KTN1: variants seen among roughly 807,000 people sequenced by gnomAD.
KTN1 encodes kinectin.
KTN1 carries 130 observed loss-of-function variants against 222.5 expected under a neutral mutation model. That is an observed-to-expected ratio of 0.58 (90% confidence interval 0.51 to 0.68). The LOEUF is 0.68. Among genes scored for constraint, KTN1 ranks in the 30% least tolerant of loss-of-function variants. KTN1 has a pLI of 0.00. For missense variants in KTN1, 1,508 were observed against 1,500.4 expected, an observed-to-expected ratio of 1.01 and a Z score of -0.08; for synonymous variants, 512 against 496.3, an observed-to-expected ratio of 1.03 and a Z score of -0.42.
intron 18 of KTN1, among the ~76,000 whole-genome samples, chr14:55,646,730 A>T (rs1021551438): frequency 5.3e-5 from 8 of 151,720 alleles, no homozygotes; most frequent in African/African-American, 1.9e-4. Context: ...TTTTCATAAG[A>T]TACTAATTCA....
chr14:55,639,827 AG>A, intron 13 of KTN1, 85 bp from the exon 14 acceptor site: 1 of 829,766 alleles, frequency 1.2e-6, no homozygotes, highest in Non-Finnish European at 2.0e-6. Flanking sequence ...TACTGAAGTA[AG>A]GATGATGCTT....
At chr14:55,614,564 CT>C (rs1443771078) in intron 2 of KTN1, among the ~76,000 whole-genome samples, 1 of 152,086 alleles carries the variant, frequency 6.6e-6, no homozygotes, top group Non-Finnish European at 1.5e-5. Flanking sequence ...ACCAAGAACA[CT>C]TTTTGCATTT....
At chr14:55,640,332 A>C (rs760982804) in intron 14 of KTN1, 42 bp from the exon 15 acceptor site, 9 of 1,265,370 alleles carry the variant, frequency 7.1e-6, no homozygotes, top group Non-Finnish European at 1.0e-5. Flanking sequence ...CTTTAAAATC[A>C]GTTGTATTAA....
In KTN1 at chr14:55,658,722, A is replaced by G. The variant is rs187168371; in HGVS notation, c.2961+108A>G. The G allele has an allele frequency of 8.9e-6, 6 of 675,968 alleles. No homozygotes were observed. The Admixed American group carries it at 1.1e-4, about 12-fold the overall frequency. 41.9% of individuals were successfully genotyped at this position (675,968 alleles called of 1,614,324 possible). ...TCTGCATTTTCATTGAGAATGAAGT[A>G]TGTTTTATTTATGTTTATCAAATTT... On this transcript the variant is annotated intron_variant, in intron 30 of 43. Transcript: ENST00000395314.
intron 1 of KTN1, among the ~76,000 whole-genome samples, chr14:55,588,814 T>C (rs1262969127): frequency 1.3e-5 from 2 of 152,234 alleles, no homozygotes; most frequent in African/African-American, 4.8e-5. Flanking sequence ...ATTATTTGTG[T>C]ATATTTTATG....
chr14:55,635,983 GATAA>G (rs1262508642), intron 9 of KTN1, among the ~76,000 whole-genome samples: 3 of 152,148 alleles, frequency 2.0e-5, no homozygotes, highest in Admixed American at 1.3e-4. Flanking sequence ...TGTGGATATG[GATAA>G]ATAAATGACA....
intron 25 of KTN1, 93 bp downstream of exon 25, chr14:55,652,020 G>C: frequency 1.2e-6 from 1 of 824,792 alleles, no homozygotes; most frequent in Non-Finnish European, 1.9e-6. Flanking sequence ...ATTTCAAGTG[G>C]TGTTTTAGAA....
At chr14:55,634,190 A>G (rs1190702613) in intron 8 of KTN1, among the ~76,000 whole-genome samples, 1 of 152,114 alleles carries the variant, frequency 6.6e-6, no homozygotes, top group Non-Finnish European at 1.5e-5. Flanking sequence ...ATACTTTGAG[A>G]AATAGTACCT....
chr14:55,641,044 C>G, intron 16 of KTN1, 74 bp downstream of exon 16: 1 of 1,477,760 alleles, frequency 6.8e-7, no homozygotes. Context: ...AATATTGCTG[C>G]TTATAACTGA....
At chr14:55,681,014 G>T (rs750623024) in intron 43 of KTN1, 6 of 250,042 alleles carry the variant, frequency 2.4e-5, no homozygotes, top group Non-Finnish European at 4.0e-5. Context: ...TGCTCAGATG[G>T]CTTATTTTAA....
intron 1 of KTN1, among the ~76,000 whole-genome samples, chr14:55,601,460 T>G (rs1391333625): frequency 6.6e-6 from 1 of 152,240 alleles, no homozygotes; most frequent in Non-Finnish European, 1.5e-5. Context: ...AAAAGATAAT[T>G]GTATAATTGC....
intron 1 of KTN1, among the ~76,000 whole-genome samples, chr14:55,584,267 A>G (rs142337571): frequency 5.9e-5 from 9 of 152,280 alleles, no homozygotes; most frequent in African/African-American, 9.6e-5. Flanking sequence ...TCTGGCTCCA[A>G]TGGTTTTCCT....
At chr14:55,666,661 T>C (rs947151709) in intron 33 of KTN1, among the ~76,000 whole-genome samples, 5 of 151,988 alleles carry the variant, frequency 3.3e-5, no homozygotes, top group Non-Finnish European at 1.5e-5. Context: ...TGAAGTAATA[T>C]GCCATCAGTT....
chr14:55,586,429 T>G (rs1418038485), intron 1 of KTN1, among the ~76,000 whole-genome samples: 1 of 152,178 alleles, frequency 6.6e-6, no homozygotes, highest in Non-Finnish European at 1.5e-5. Flanking sequence ...TATCATATCA[T>G]ATCATATTTA....
At chr14:55,582,038 C>A (rs1360879211) in intron 1 of KTN1, among the ~76,000 whole-genome samples, 1 of 151,982 alleles carries the variant, frequency 6.6e-6, no homozygotes, top group Non-Finnish European at 1.5e-5. Context: ...ATAACAATAC[C>A]TTATCAAGTG....
chr14:55,672,178 G>A (rs373850874), intron 37 of KTN1: 6 of 277,154 alleles, frequency 2.2e-5, no homozygotes, highest in East Asian at 7.6e-5. Flanking sequence ...CAGTTTTAAA[G>A]TATTTAACCC....
intron 6 of KTN1, 128 bp from the exon 7 acceptor site, chr14:55,629,829 C>T: frequency 1.4e-6 from 1 of 694,240 alleles, no homozygotes; most frequent in Non-Finnish European, 2.4e-6. Context: ...TTTTTTTAAG[C>T]AAGTACTTAA....
At chr14:55,667,451 GT>G in intron 34 of KTN1, 121 bp downstream of exon 34, 1 of 511,632 alleles carries the variant, frequency 2.0e-6, no homozygotes, top group East Asian at 3.4e-5. Flanking sequence ...CTTTCCTATT[GT>G]TAAGCTGGTG....
intron 3 of KTN1, among the ~76,000 whole-genome samples, chr14:55,617,570 ATTAT>A (rs1316990983): frequency 4.6e-5 from 7 of 152,230 alleles, no homozygotes; most frequent in Admixed American, 1.3e-4. Flanking sequence ...TTGTTTAAAA[ATTAT>A]CAACTACAGT....
Sources: gnomAD v4.1 joint callset for allele counts (sites outside exome capture counted in the v4.1 genomes callset) on GRCh38, gnomAD v4.1.1 for gene constraint, MANE v1.5 for transcripts, NCBI Gene and HGNC (gene_info 2026-07-23, HGNC 2026-07-21) for gene names.